Variants in SLC35D1 observed in about 807,000 individuals in gnomAD.
SLC35D1 encodes nucleotide sugar transporter SLC35D1.
A neutral mutation model predicts 46.7 loss-of-function variants in SLC35D1; 31 were observed. The observed-to-expected ratio is 0.66, with a 90% CI of 0.50 to 0.90. The LOEUF is 0.90. SLC35D1 is among the 40% of genes least tolerant of loss of function. The probability of loss-of-function intolerance (pLI) is 0.00; values close to 1 mark genes in which losing one functional copy is unlikely to be tolerated. For synonymous variants in SLC35D1, 195 were observed against 164.6 expected, an observed-to-expected ratio of 1.18 and a Z score of -1.41; for missense variants, 397 against 426.2, an observed-to-expected ratio of 0.93 and a Z score of 0.60.
rs1039731246 is a variant in SLC35D1, at chr1:67,000,295, T to C, written c.*4045A>G. On this transcript the variant is annotated 3_prime_UTR_variant, in exon 12 of 12. Coordinates refer to ENST00000235345, the MANE Select transcript of SLC35D1 (RefSeq NM_015139.3). Reference sequence around the variant, plus strand: ...GAGCAAGACCTTCTTTCTTTTTTTTTTTTTTTTTTAAAAAAAAGGAGGGGG... The same window carrying C: ...GAGCAAGACCTTCTTTCTTTTTTTTCTTTTTTTTTAAAAAAAAGGAGGGGG... 1 of 150,596 alleles carries C rather than the reference T, an allele frequency of 6.6e-6. No homozygotes were observed. 9.3% of individuals were successfully genotyped at this position (150,596 alleles called of 1,614,324 possible).
chr1:66,982,806 C>G, the SLC35D1 span, among the ~76,000 whole-genome samples: 2 of 152,306 alleles, frequency 1.3e-5, no homozygotes, highest in South Asian at 4.1e-4. Flanking sequence ...CTCACTACTT[C>G]TAGGAATAAA....
At chr1:67,009,997 T>C (rs987743093) in intron 10 of SLC35D1, among the ~76,000 whole-genome samples, 3 of 152,136 alleles carry the variant, frequency 2.0e-5, no homozygotes, top group African/African-American at 7.2e-5. Context: ...TGGAATACAA[T>C]GCAGCCATAA....
chr1:67,003,354 CTT>C lies in SLC35D1; in HGVS notation c.*984_*985del, dbSNP rs1667381741. The C allele has an allele frequency of 6.6e-6, 1 of 152,372 alleles. No homozygotes were observed. Among genetic ancestry groups the C allele is most frequent in the Non-Finnish European group, 1.5e-5 (1 of 68,042 alleles). 9.4% of individuals were successfully genotyped at this position (152,372 alleles called of 1,614,324 possible). On this transcript the variant is annotated 3_prime_UTR_variant, in exon 12 of 12. Coordinates refer to ENST00000235345, the MANE Select transcript of SLC35D1 (RefSeq NM_015139.3). ...CTGCACTGGTTTACAAAACACAGCTCTTTACTTGTACCTCATCTCACATTGCA... is the reference window on the plus strand; with the variant it reads ...CTGCACTGGTTTACAAAACACAGCTCTACTTGTACCTCATCTCACATTGCA...
rs1361189510 is a variant in SLC35D1, at chr1:67,004,114, C to G, written c.*226G>C. On this transcript the variant is annotated 3_prime_UTR_variant, in exon 12 of 12. Transcript: ENST00000235345. The stretch of plus-strand genomic sequence containing the variant: ...AAATTAAAAAGCCCAGTACCTTTTC[C>G]AGTCTGATATAAATTAATTCAAACA... The G allele has an allele frequency of 2.0e-6, 1 of 494,798 alleles. No individual in the cohort carries two copies. The highest frequency in any genetic ancestry group is 1.9e-5 in the African/African-American group (1 of 51,338). 30.7% of individuals were successfully genotyped at this position (494,798 alleles called of 1,614,324 possible).
At position 67,052,981 on chromosome 1, in the gene SLC35D1, G is replaced by A. The variant is rs768719387; in HGVS notation, c.212C>T (p.Ser71Phe). The change falls in exon 2 of 12, where the codon TCC (serine) becomes TTC (phenylalanine). Residue 71 changes from serine (S) to phenylalanine (F), a missense_variant. Transcript: ENST00000235345. ...KSVLTNYRFP[S>F]SLCVGLGQMV... ...CTGGCCAAGTCCAACACATAGTGAGGAGGGAAATCTACAAAAAGGGCAAAG... is the reference window on the plus strand; with the variant it reads ...CTGGCCAAGTCCAACACATAGTGAGAAGGGAAATCTACAAAAAGGGCAAAG... The A allele has an allele frequency of 1.9e-6, 3 of 1,613,928 alleles. No individual in the cohort carries two copies. Among genetic ancestry groups the A allele is most frequent in the Non-Finnish European group, 2.5e-6 (3 of 1,180,030 alleles).
At chr1:67,010,737 T>C (rs1401764618) in intron 10 of SLC35D1, among the ~76,000 whole-genome samples, 1 of 152,200 alleles carries the variant, frequency 6.6e-6, no homozygotes, top group Non-Finnish European at 1.5e-5. Context: ...GAGTTTTAGA[T>C]TTTGGAGCAA....
At chr1:66,998,311 A>C (rs1428449735), downstream of SLC35D1, among the ~76,000 whole-genome samples, 1 of 152,130 alleles carries the variant, frequency 6.6e-6, no homozygotes, top group Non-Finnish European at 1.5e-5. Context: ...CAACATGATG[A>C]AAACCCGTCT....
intron 11 of SLC35D1, among the ~76,000 whole-genome samples, chr1:67,005,656 T>A (rs1667433077): frequency 6.6e-6 from 1 of 152,150 alleles, no homozygotes; most frequent in African/African-American, 2.4e-5. Flanking sequence ...AGGTACAATA[T>A]CCCTCCAAGG....
At chr1:66,976,828 A>G in the SLC35D1 span, 13 of 976,914 alleles carry the variant, frequency 1.3e-5, no homozygotes, top group African/African-American at 3.3e-5. Context: ...TATATACTTG[A>G]TCTTAACCAG....
chr1:67,053,603 C>T lies in SLC35D1; in HGVS notation c.203+208G>A, dbSNP rs778198938. 5.3e-5 allele frequency among the ~76,000 whole-genome samples: 8 copies of T among 151,938 alleles called. No individual in the cohort carries two copies. The East Asian group carries it at 9.7e-4, about 18-fold the overall frequency. ...AAATGTGCCGGGCCGGCCGGAGCTC[C>T]GCGCAGGGAGCGGACCCCTGCCACA... On this transcript the variant is annotated intron_variant, in intron 1 of 11. Coordinates refer to ENST00000235345, the MANE Select transcript of SLC35D1 (RefSeq NM_015139.3).
intron 8 of SLC35D1, 78 bp from the exon 9 acceptor site, chr1:67,021,680 A>C: frequency 1.6e-6 from 2 of 1,285,438 alleles, no homozygotes; most frequent in Non-Finnish European, 2.2e-6. Flanking sequence ...AAATCCTTCT[A>C]CGAGTCTGCC....
chr1:66,990,615 T>C, the SLC35D1 span, among the ~76,000 whole-genome samples: 1 of 152,150 alleles, frequency 6.6e-6, no homozygotes, highest in Non-Finnish European at 1.5e-5. Flanking sequence ...ACAACTCACT[T>C]AGGATTGCAG....
the SLC35D1 span, among the ~76,000 whole-genome samples, chr1:66,993,358 C>T: frequency 6.6e-6 from 1 of 152,156 alleles, no homozygotes; most frequent in Non-Finnish European, 1.5e-5. Context: ...TAGAGTTGGT[C>T]ACTAAGGAGT....
the SLC35D1 span, among the ~76,000 whole-genome samples, chr1:66,975,791 T>C: frequency 6.6e-6 from 1 of 152,186 alleles, no homozygotes; most frequent in African/African-American, 2.4e-5. Context: ...TATGATACTT[T>C]TAACTCACTG....
In SLC35D1 at chr1:67,038,758, C is replaced by T. The variant is rs150752698; in HGVS notation, c.729+3478G>A. Among the ~76,000 whole-genome samples, 565 of 152,048 alleles carry T rather than the reference C, an allele frequency of 3.7e-3. 4 individuals are homozygous for T. Among genetic ancestry groups the T allele is most frequent in the Non-Finnish European group, 4.9e-3 (333 of 67,986 alleles). On this transcript the variant is annotated intron_variant, in intron 8 of 11. Transcript: ENST00000235345. ...AGATACATGTTTTAAAAACTAAGTG[C>T]TGAATATATTTATTTGTTCCTTGGT...
intron 8 of SLC35D1, among the ~76,000 whole-genome samples, chr1:67,039,046 T>G (rs906505511): frequency 1.3e-5 from 2 of 152,226 alleles, no homozygotes; most frequent in African/African-American, 2.4e-5. Context: ...ATCCAACTCC[T>G]GTCTCTCTGG....
the SLC35D1 span, chr1:66,981,864 A>G: frequency 6.2e-7 from 1 of 1,614,078 alleles, no homozygotes; most frequent in Non-Finnish European, 8.5e-7. Flanking sequence ...ATCAAACAGT[A>G]GTAACAGCCA....
chr1:67,053,752 C>A lies in SLC35D1; in HGVS notation c.203+59G>T, dbSNP rs145865907. On this transcript the variant is annotated intron_variant, in intron 1 of 11. Coordinates refer to ENST00000235345, the MANE Select transcript of SLC35D1 (RefSeq NM_015139.3). ...GTCAAAGTCCAGGGAGCCGGCGCCG[C>A]GCCGCCGCCGCCGCCCGCTCCTCCT... is the stretch of plus-strand genomic sequence containing the variant. The A allele has an allele frequency of 0.14, 194,034 of 1,353,748 alleles. 19,827 individuals carry two copies. The highest frequency in any genetic ancestry group is 0.53 in the African/African-American group (34,636 of 65,918). 83.9% of individuals were successfully genotyped at this position (1,353,748 alleles called of 1,614,324 possible). A position where few individuals can be genotyped will look rare whatever the true frequency, so the allele number is the denominator to read the frequency against.
chr1:67,033,484 G>A (rs1010662330), intron 8 of SLC35D1, among the ~76,000 whole-genome samples: 2 of 152,108 alleles, frequency 1.3e-5, no homozygotes, highest in Non-Finnish European at 2.9e-5. Context: ...GATCAACAAT[G>A]TTTAGCACTT....
Sources: gnomAD v4.1 joint callset for allele counts (sites outside exome capture counted in the v4.1 genomes callset) on GRCh38, gnomAD v4.1.1 for gene constraint, MANE v1.5 for transcripts, NCBI Gene and HGNC (gene_info 2026-07-23, HGNC 2026-07-21) for gene names.